The following TLN2 variants were observed in gnomAD, a reference collection of about 807,000 sequenced individuals.
TLN2 encodes talin 2.
Under a neutral mutation model 294.7 loss-of-function variants are expected in TLN2, and 118 were observed. The observed-to-expected ratio is 0.40, with a 90% CI of 0.34 to 0.47. The LOEUF is 0.47. Ranked by LOEUF, TLN2 falls within the 20% of genes least tolerant of loss-of-function variation. The pLI is 0.84. For missense variants in TLN2, 3,083 were observed against 3,282.2 expected, an observed-to-expected ratio of 0.94 and a Z score of 1.48; for synonymous variants, 1,431 against 1,304.5, an observed-to-expected ratio of 1.10 and a Z score of -2.09.
intron 1 of TLN2, among the ~76,000 whole-genome samples, chr15:62,555,664 G>A (rs530683821): frequency 6.6e-6 from 1 of 152,302 alleles, no homozygotes; most frequent in African/African-American, 2.4e-5. Flanking sequence ...TTGTTCTTGT[G>A]TATGATAGCA....
chr15:62,504,409 C>T (rs1440097188), intron 1 of TLN2, among the ~76,000 whole-genome samples: 1 of 152,194 alleles, frequency 6.6e-6, no homozygotes, highest in East Asian at 1.9e-4. Flanking sequence ...AGGGCTTACA[C>T]TACCTGATTT....
At chr15:62,702,255 TG>T in intron 18 of TLN2, 55 bp downstream of exon 18, 2 of 1,504,316 alleles carry the variant, frequency 1.3e-6, no homozygotes. Context: ...CTGCATCCAC[TG>T]GGGGACCATG....
chr15:62,627,751 G>C (rs4238366), intron 3 of TLN2, among the ~76,000 whole-genome samples: 130,331 of 152,216 alleles, frequency 0.86, 56,568 homozygotes, highest in East Asian at 0.95. Flanking sequence ...TTTTCTTTAC[G>C]TTTTCTAATT....
chr15:62,632,025 G>A (rs2049947771), intron 3 of TLN2, among the ~76,000 whole-genome samples: 1 of 152,250 alleles, frequency 6.6e-6, no homozygotes, highest in South Asian at 2.1e-4. Context: ...CCACCGGTAA[G>A]AGAGTGGCTC....
intron 1 of TLN2, among the ~76,000 whole-genome samples, chr15:62,551,802 T>G (rs1047883638): frequency 6.6e-6 from 1 of 152,244 alleles, no homozygotes; most frequent in African/African-American, 2.4e-5. Flanking sequence ...GTCACACTTT[T>G]CAGTAGAGCT....
chr15:62,690,046 G>A (rs1259486588), intron 12 of TLN2, among the ~76,000 whole-genome samples: 3 of 82,882 alleles, frequency 3.6e-5, no homozygotes, highest in East Asian at 3.6e-4. Context: ...AGGGGCGGCC[G>A]GGCAGAGGCG....
At chr15:62,437,739 A>G (rs539949025) in intron 1 of TLN2, among the ~76,000 whole-genome samples, 23 of 123,944 alleles carry the variant, frequency 1.9e-4, no homozygotes, top group Admixed American at 3.5e-4. Flanking sequence ...GTACTTTCAA[A>G]AAACACCATG....
chr15:62,529,366 C>T (rs968825719), intron 1 of TLN2, among the ~76,000 whole-genome samples: 7 of 152,044 alleles, frequency 4.6e-5, no homozygotes, highest in East Asian at 3.9e-4. Context: ...TGGTATTACA[C>T]GTGTGAGCCA....
intron 45 of TLN2, among the ~76,000 whole-genome samples, chr15:62,791,650 A>C (rs1217668313): frequency 6.6e-6 from 1 of 152,226 alleles, no homozygotes; most frequent in Non-Finnish European, 1.5e-5. Context: ...AGATCTTTTC[A>C]TAACTATTCC....
chr15:62,400,358 G>C (rs1034917509), intron 1 of TLN2, among the ~76,000 whole-genome samples: 2 of 152,124 alleles, frequency 1.3e-5, no homozygotes, highest in Non-Finnish European at 2.9e-5. Context: ...CTCAGTCAAG[G>C]GACATTTAAT....
At chr15:62,506,737 A>G (rs2039642271) in intron 1 of TLN2, among the ~76,000 whole-genome samples, 1 of 152,224 alleles carries the variant, frequency 6.6e-6, no homozygotes, top group Non-Finnish European at 1.5e-5. Flanking sequence ...CTTGAGAGTT[A>G]CACTCTAGGG....
intron 1 of TLN2, among the ~76,000 whole-genome samples, chr15:62,408,518 G>A (rs566785700): frequency 1.6e-4 from 24 of 152,286 alleles, no homozygotes; most frequent in East Asian, 9.6e-4. Flanking sequence ...TACAATGACC[G>A]TCTCTCTGAA....
rs1596185051 is a variant in TLN2, at chr15:62,832,867, G to A, written c.7003-637G>A. The A allele has an allele frequency of 1.3e-5, 2 of 151,698 alleles. 1 individual carries two copies. Among genetic ancestry groups the A allele is most frequent in the East Asian group, 3.9e-4 (2 of 5,186 alleles). The allele number at this position is 151,698 out of a possible 1,614,324, so 9.4% of individuals were successfully genotyped here. On this transcript the variant is annotated intron_variant, in intron 54 of 58. Transcript: ENST00000636159. ...TTTTTTTTTTAAAGTCCATTTTTGA[G>A]GCTTAGGCTCTAGAAGAGAGTAAGT...
chr15:62,698,330 T>C (rs190975787), intron 15 of TLN2, among the ~76,000 whole-genome samples: 38 of 152,344 alleles, frequency 2.5e-4, no homozygotes, highest in Admixed American at 2.2e-3. Flanking sequence ...GAACAACACT[T>C]GTCTCTGAAA....
At chr15:62,717,816 C>T in intron 24 of TLN2, 127 bp downstream of exon 24, 1 of 640,604 alleles carries the variant, frequency 1.6e-6, no homozygotes, top group Non-Finnish European at 2.5e-6. Context: ...GCCCCAGTTC[C>T]CATGTTCCAG....
Position 62,736,880 on chromosome 15 carries a change from G to T in TLN2, c.3361G>T (p.Val1121Leu), listed in dbSNP as rs2061046815. 1.2e-6 allele frequency: 2 copies of T among 1,613,092 alleles called. No individual in the cohort carries two copies. The highest frequency in any genetic ancestry group is 1.7e-6 in the Non-Finnish European group (2 of 1,179,346). The change falls in exon 29 of 59, where the codon GTG becomes TTG. Residue 1121 changes from valine to leucine, a missense_variant and splice_region_variant. Physicochemically the swap from Val to Leu is conservative, Grantham distance 32 (BLOSUM62 1). Coordinates refer to ENST00000636159, the MANE Select transcript of TLN2 (RefSeq NM_015059.3). Reference sequence around the variant, plus strand: ...ATCTGATGGACTTTTTCCCCCAGGGGTGGCTGCTAGAGAGACGGCCCAAGC... The same window carrying T: ...ATCTGATGGACTTTTTCCCCCAGGGTTGGCTGCTAGAGAGACGGCCCAAGC... ...AAQGNEHYTG[V>L]AARETAQALK... is the part of the protein sequence containing the mutation.
intron 2 of TLN2, among the ~76,000 whole-genome samples, chr15:62,590,305 T>C (rs554900024): frequency 2.6e-5 from 4 of 152,298 alleles, no homozygotes; most frequent in African/African-American, 9.6e-5. Flanking sequence ...CCTCTCCCTC[T>C]TCCCAACCTC....
At chr15:62,391,077 C>T (rs1384066306) in intron 1 of TLN2, among the ~76,000 whole-genome samples, 1 of 152,230 alleles carries the variant, frequency 6.6e-6, no homozygotes, top group Non-Finnish European at 1.5e-5. Context: ...AAAGCGGCCC[C>T]GCCTGCATAG....
At chr15:62,514,066 T>C (rs2040065822) in intron 1 of TLN2, among the ~76,000 whole-genome samples, 1 of 152,250 alleles carries the variant, frequency 6.6e-6, no homozygotes, top group Admixed American at 6.5e-5. Context: ...CACAACTTTC[T>C]AGTTTTTGCA....
Sources: gnomAD v4.1 joint callset for allele counts (sites outside exome capture counted in the v4.1 genomes callset) on GRCh38, gnomAD v4.1.1 for gene constraint, MANE v1.5 for transcripts, NCBI Gene and HGNC (gene_info 2026-07-23, HGNC 2026-07-21) for gene names.